The following MTUS2 variants were observed in gnomAD, a reference collection of about 807,000 sequenced individuals.
MTUS2 encodes microtubule associated scaffold protein 2.
Under a neutral mutation model 114.1 loss-of-function variants are expected in MTUS2, and 40 were observed. The observed-to-expected ratio is 0.35, with a 90% CI of 0.27 to 0.46. The LOEUF (loss-of-function observed/expected upper bound fraction) is 0.46, where lower values mean the gene tolerates loss of function less well. Ranked by LOEUF, MTUS2 falls within the 20% of genes least tolerant of loss-of-function variation. The pLI is 1.00. For missense variants in MTUS2, 1,679 were observed against 1,705.4 expected (o/e 0.98, Z 0.27); for synonymous variants, 688 against 672.0 (o/e 1.02, Z -0.37).
At chr13:29,092,094 G>T (rs74600983) in intron 4 of MTUS2, among the ~76,000 whole-genome samples, 3 of 152,184 alleles carry the variant, frequency 2.0e-5, no homozygotes, top group Non-Finnish European at 4.4e-5. Flanking sequence ...GCAGTCAAAT[G>T]CCTAGGCAGA....
chr13:29,352,045 T>C (rs1222888449), intron 7 of MTUS2, among the ~76,000 whole-genome samples: 1 of 152,220 alleles, frequency 6.6e-6, no homozygotes, highest in African/African-American at 2.4e-5. Flanking sequence ...CCTATTCTCT[T>C]TTTGCATGCA....
chr13:29,440,269 A>G (rs1332967374), intron 9 of MTUS2, among the ~76,000 whole-genome samples: 2 of 152,220 alleles, frequency 1.3e-5, no homozygotes, highest in Non-Finnish European at 2.9e-5. Flanking sequence ...AACAGTTCAC[A>G]GTGGAACTCA....
chr13:29,339,252 G>A (rs1042101394), intron 7 of MTUS2, among the ~76,000 whole-genome samples: 8 of 152,188 alleles, frequency 5.3e-5, no homozygotes, highest in South Asian at 2.1e-4. Context: ...GCTGAGGGAA[G>A]GCTGCTTCTC....
intron 5 of MTUS2, among the ~76,000 whole-genome samples, chr13:29,154,380 C>G (rs1019527800): frequency 5.3e-5 from 8 of 152,118 alleles, no homozygotes; most frequent in African/African-American, 1.9e-4. Flanking sequence ...TGTATTATTG[C>G]AGAAGTTCAT....
At chr13:29,471,341 A>G (rs562258421) in intron 9 of MTUS2, among the ~76,000 whole-genome samples, 3 of 151,264 alleles carry the variant, frequency 2.0e-5, no homozygotes, top group African/African-American at 7.2e-5. Flanking sequence ...CATCTCAAAA[A>G]TAATAATAAT....
intron 5 of MTUS2, among the ~76,000 whole-genome samples, chr13:29,166,276 G>A (rs1034362635): frequency 3.9e-5 from 6 of 152,190 alleles, no homozygotes; most frequent in African/African-American, 1.2e-4. Context: ...TTACTGATCC[G>A]TAGACTTGAG....
At chr13:29,272,533 TAATA>T (rs1897917218) in intron 5 of MTUS2, among the ~76,000 whole-genome samples, 1 of 152,188 alleles carries the variant, frequency 6.6e-6, no homozygotes, top group Non-Finnish European at 1.5e-5. Context: ...TTGGTATTCC[TAATA>T]AATGAAGTAG....
intron 8 of MTUS2, among the ~76,000 whole-genome samples, chr13:29,430,282 T>C (rs1274453094): frequency 6.6e-6 from 1 of 152,188 alleles, no homozygotes; most frequent in Non-Finnish European, 1.5e-5. Flanking sequence ...ACTTTTGGTT[T>C]GAGAAAGTAT....
intron 5 of MTUS2, among the ~76,000 whole-genome samples, chr13:29,232,538 G>A (rs1013029748): frequency 5.9e-5 from 9 of 152,170 alleles, no homozygotes; most frequent in Non-Finnish European, 4.4e-5. Flanking sequence ...TTTCTAATCT[G>A]TTTTACAGAA....
rs182858408 is a variant in MTUS2, at chr13:28,910,166, C to T, written c.-243+70316C>T. Among the ~76,000 whole-genome samples the T allele has an allele frequency of 8.5e-5, 13 of 152,194 alleles. No individual in the cohort carries two copies. The East Asian group carries it at 2.5e-3, about 29-fold the overall frequency. On this transcript the variant is annotated intron_variant, in intron 2 of 15. Transcript: ENST00000612955. ...TATATCTATTAACCACTCCCATTTC[C>T]CTCCATCCCACCCGTTACCCTTCCC...
At chr13:28,969,498 T>A (rs919681396) in intron 2 of MTUS2, among the ~76,000 whole-genome samples, 26 of 152,022 alleles carry the variant, frequency 1.7e-4, no homozygotes, top group African/African-American at 6.3e-4. Context: ...GCACTATTTA[T>A]TTTATTTATT....
chr13:29,022,998 CTT>C (rs892014577), intron 2 of MTUS2, among the ~76,000 whole-genome samples: 1 of 152,090 alleles, frequency 6.6e-6, no homozygotes, highest in Non-Finnish European at 1.5e-5. Context: ...ATCTGAAAGT[CTT>C]TTTTTAATTC....
chr13:29,169,380 T>C (rs1893458707), intron 5 of MTUS2, among the ~76,000 whole-genome samples: 2 of 152,238 alleles, frequency 1.3e-5, no homozygotes, highest in South Asian at 2.1e-4. Flanking sequence ...ATAAAAAATA[T>C]AGTTGTTTGG....
chr13:29,134,230 G>A (rs1020722929), intron 5 of MTUS2, among the ~76,000 whole-genome samples: 1 of 152,038 alleles, frequency 6.6e-6, no homozygotes, highest in Non-Finnish European at 1.5e-5. Context: ...ATGTCGTCTG[G>A]TTGTAGTAAG....
At chr13:29,414,366 T>C (rs1875491861) in intron 8 of MTUS2, among the ~76,000 whole-genome samples, 1 of 113,118 alleles carries the variant, frequency 8.8e-6, no homozygotes, top group East Asian at 2.8e-4. Context: ...GATGACACGT[T>C]AGTGGGTGCA....
chr13:29,310,848 G>A (rs1225423215), intron 6 of MTUS2, among the ~76,000 whole-genome samples: 2 of 152,170 alleles, frequency 1.3e-5, no homozygotes, highest in Non-Finnish European at 2.9e-5. Context: ...AAACTTCCAT[G>A]TGTGCCATAA....
At chr13:29,348,537 G>C (rs1322541036) in intron 7 of MTUS2, among the ~76,000 whole-genome samples, 1 of 152,198 alleles carries the variant, frequency 6.6e-6, no homozygotes, top group Non-Finnish European at 1.5e-5. Flanking sequence ...CTACTCTGCT[G>C]TTGTTATGTG....
At chr13:28,945,878 G>A (rs576708424) in intron 2 of MTUS2, among the ~76,000 whole-genome samples, 2 of 152,216 alleles carry the variant, frequency 1.3e-5, no homozygotes, top group Admixed American at 6.5e-5. Context: ...GGTTTTAATC[G>A]TGATTTCTTT....
At chr13:29,268,722 G>T (rs12868241) in intron 5 of MTUS2, among the ~76,000 whole-genome samples, 24,811 of 151,944 alleles carry the variant, frequency 0.16, 2,202 homozygotes, top group African/African-American at 0.22. Flanking sequence ...ATTCCGTAAT[G>T]ATTCTATTTC....
Sources: gnomAD v4.1 joint callset for allele counts (sites outside exome capture counted in the v4.1 genomes callset) on GRCh38, gnomAD v4.1.1 for gene constraint, MANE v1.5 for transcripts, NCBI Gene and HGNC (gene_info 2026-07-23, HGNC 2026-07-21) for gene names.